The following CTXND1 variants were observed in gnomAD, a reference collection of about 807,000 sequenced individuals.
The protein encoded by CTXND1 is cortexin domain containing 1, also known as cortexin domain-containing 1 protein.
intron 1 of CTXND1, among the ~76,000 whole-genome samples, chr15:80,212,273 C>T (rs1008455692): frequency 6.6e-6 from 1 of 152,212 alleles, no homozygotes; most frequent in Non-Finnish European, 1.5e-5. Context: ...TAAATCCTTG[C>T]ACATGAATCA....
intron 2 of CTXND1, among the ~76,000 whole-genome samples, chr15:80,202,963 G>C (rs896005104): frequency 6.6e-6 from 1 of 152,242 alleles, no homozygotes; most frequent in South Asian, 2.1e-4. Flanking sequence ...ATCTTGGGAT[G>C]ATTTGCAACT....
intron 1 of CTXND1, among the ~76,000 whole-genome samples, chr15:80,211,726 G>C (rs1248998745): frequency 6.6e-6 from 1 of 152,164 alleles, no homozygotes; most frequent in Non-Finnish European, 1.5e-5. Context: ...CACCATTTTA[G>C]ATAAAAGTAA....
intron 1 of CTXND1, among the ~76,000 whole-genome samples, chr15:80,229,562 C>A (rs1456220360): frequency 6.6e-6 from 1 of 152,190 alleles, no homozygotes; most frequent in East Asian, 1.9e-4. Flanking sequence ...CTGGCCACCA[C>A]AAGGGTTCAT....
chr15:80,241,409 T>C (rs935886976), intron 1 of CTXND1, among the ~76,000 whole-genome samples: 20 of 152,312 alleles, frequency 1.3e-4, no homozygotes, highest in Middle Eastern at 3.4e-3. Context: ...AACAGACCTT[T>C]CTATGTCGAG....
At chr15:80,211,692 G>C (rs3743423) in intron 1 of CTXND1, among the ~76,000 whole-genome samples, 52,214 of 152,082 alleles carry the variant, frequency 0.34, 9,089 homozygotes, top group African/African-American at 0.42. Flanking sequence ...AAAACTCCCA[G>C]AGCAAGGAGG....
chr15:80,224,083 C>T (rs186014487), intron 1 of CTXND1, among the ~76,000 whole-genome samples: 1 of 152,280 alleles, frequency 6.6e-6, no homozygotes, highest in African/African-American at 2.4e-5. Flanking sequence ...CAAGAATCAG[C>T]TGCTCTGACG....
intron 2 of CTXND1, among the ~76,000 whole-genome samples, chr15:80,203,009 G>A (rs1208108050): frequency 6.6e-6 from 1 of 152,206 alleles, no homozygotes; most frequent in Non-Finnish European, 1.5e-5. Flanking sequence ...CTGAGGAAAG[G>A]TGGCCATACC....
At chr15:80,223,037 T>TCA (rs1893333988) in intron 1 of CTXND1, among the ~76,000 whole-genome samples, 1 of 152,222 alleles carries the variant, frequency 6.6e-6, no homozygotes, top group Admixed American at 6.5e-5. Context: ...CTGGCTTCTT[T>TCA]CACTTAACAT....
intron 1 of CTXND1, among the ~76,000 whole-genome samples, chr15:80,247,382 C>T (rs561512184): frequency 6.6e-6 from 1 of 151,974 alleles, no homozygotes; most frequent in African/African-American, 2.4e-5. Flanking sequence ...TGTGAATAGT[C>T]AAAGGGTTAA....
intron 1 of CTXND1, among the ~76,000 whole-genome samples, chr15:80,233,640 G>A (rs565316599): frequency 2.0e-5 from 3 of 152,230 alleles, no homozygotes; most frequent in African/African-American, 4.8e-5. Flanking sequence ...GCTACACCAC[G>A]CCAGGCTCGG....
chr15:80,217,390 T>C, intron 1 of CTXND1, among the ~76,000 whole-genome samples: 1 of 152,236 alleles, frequency 6.6e-6, no homozygotes, highest in South Asian at 2.1e-4. Context: ...TTTAGGATTC[T>C]TACAACAATT....
chr15:80,204,536 A>G, intron 1 of CTXND1, among the ~76,000 whole-genome samples: 1 of 151,240 alleles, frequency 6.6e-6, no homozygotes, highest in Admixed American at 6.6e-5. Context: ...ATTGTACAGT[A>G]TTTGTCTTTT....
chr15:80,202,339 G>C (rs377081872), intron 2 of CTXND1, among the ~76,000 whole-genome samples: 5 of 152,140 alleles, frequency 3.3e-5, no homozygotes, highest in African/African-American at 4.8e-5. Flanking sequence ...CCCTGCAGCT[G>C]CCTCCACTCC....
intron 1 of CTXND1, among the ~76,000 whole-genome samples, chr15:80,204,458 CG>C (rs1567127754): frequency 6.6e-6 from 1 of 151,024 alleles, no homozygotes; most frequent in Non-Finnish European, 1.5e-5. Context: ...TCCCCCAGCC[CG>C]GGGCGGCCAC....
At chr15:80,205,571 GA>G (rs1042757593) in intron 1 of CTXND1, among the ~76,000 whole-genome samples, 23 of 152,186 alleles carry the variant, frequency 1.5e-4, no homozygotes, top group Non-Finnish European at 2.9e-4. Context: ...CTTAAAACTT[GA>G]AACTTACATT....
At chr15:80,220,989 A>G (rs1159168322) in intron 1 of CTXND1, among the ~76,000 whole-genome samples, 7 of 151,248 alleles carry the variant, frequency 4.6e-5, no homozygotes, top group East Asian at 1.9e-4. Context: ...GCTCACTGCA[A>G]GCTCCGCCTC....
intron 1 of CTXND1, among the ~76,000 whole-genome samples, chr15:80,238,270 CTTATCTT>C: frequency 6.6e-6 from 1 of 152,130 alleles, no homozygotes; most frequent in Non-Finnish European, 1.5e-5. Context: ...AGGTGTACCA[CTTATCTT>C]TTATGCCATA....
chr15:80,224,359 T>C (rs574471520), intron 1 of CTXND1, among the ~76,000 whole-genome samples: 19 of 152,364 alleles, frequency 1.2e-4, no homozygotes, highest in African/African-American at 4.6e-4. Context: ...ATTTGGGGTC[T>C]TTAGCTACAC....
At chr15:80,226,064 C>T (rs577706862) in intron 1 of CTXND1, among the ~76,000 whole-genome samples, 5 of 152,288 alleles carry the variant, frequency 3.3e-5, no homozygotes, top group South Asian at 2.1e-4. Context: ...GGTGCTTGGG[C>T]TTGGGCCAGA....
Sources: allele counts gnomAD v4.1 joint callset (sites outside exome capture counted in the v4.1 genomes callset), GRCh38; gene constraint gnomAD v4.1.1; transcripts MANE v1.5; gene names NCBI Gene and HGNC (gene_info 2026-07-23, HGNC 2026-07-21).